Variants in DOCK3 observed in about 807,000 individuals in gnomAD.
The protein encoded by DOCK3 is dedicator of cytokinesis 3, also known as dedicator of cytokinesis protein 3.
Under a neutral mutation model 265.6 loss-of-function variants are expected in DOCK3, and 60 were observed. The observed-to-expected ratio is 0.23, with a 90% confidence interval of 0.18 to 0.28. The LOEUF is 0.28. DOCK3 is among the 10% of genes least tolerant of loss of function. The probability of loss-of-function intolerance (pLI) is 1.00; values close to 1 mark genes in which losing one functional copy is unlikely to be tolerated. For synonymous variants in DOCK3, 881 were observed against 938.0 expected (o/e 0.94, Z 1.11); for missense variants, 1,981 against 2,594.3 (o/e 0.76, Z 5.14).
intron 18 of DOCK3, 24 bp from the exon 19 acceptor site, chr3:51,229,488 T>C: frequency 1.3e-6 from 2 of 1,524,964 alleles, no homozygotes; most frequent in South Asian, 1.3e-5. Context: ...CAAGGGTTCC[T>C]CATCTTTTGG....
At chr3:51,245,783 T>G (rs2078810186) in intron 21 of DOCK3, among the ~76,000 whole-genome samples, 1 of 152,210 alleles carries the variant, frequency 6.6e-6, no homozygotes, top group African/African-American at 2.4e-5. Context: ...ACTGAAACTC[T>G]GATACTTTGA....
chr3:50,774,023 T>C (rs1466943468), intron 1 of DOCK3, among the ~76,000 whole-genome samples: 1 of 152,100 alleles, frequency 6.6e-6, no homozygotes, highest in Non-Finnish European at 1.5e-5. Context: ...TACTTGCAAA[T>C]ATAGCCAAAT....
chr3:50,806,146 G>C (rs1446878646), intron 2 of DOCK3, among the ~76,000 whole-genome samples: 1 of 151,952 alleles, frequency 6.6e-6, no homozygotes, highest in East Asian at 1.9e-4. Context: ...TCTTGAGGCT[G>C]GGATGTGGAA....
rs972915910 is a variant in DOCK3, at chr3:50,675,544, G to A, written c.37+244G>A. On this transcript the variant is annotated intron_variant, in intron 1 of 52. Coordinates refer to ENST00000266037, the MANE Select transcript of DOCK3 (RefSeq NM_004947.5). The surrounding 1 kb of genome is among the most constrained non-coding windows in gnomAD (Gnocchi z 6.1). ...TGCGGCCTTGGCAGGTGCGGCCCGCGGGAGGGGTGGGCAAGGCCCGGGCAG... is the reference window on the plus strand; with the variant it reads ...TGCGGCCTTGGCAGGTGCGGCCCGCAGGAGGGGTGGGCAAGGCCCGGGCAG... Among the ~76,000 whole-genome samples, 2 of 152,120 alleles carry A rather than the reference G, an allele frequency of 1.3e-5. No individual in the cohort carries two copies. Among genetic ancestry groups the A allele is most frequent in the Non-Finnish European group, 2.9e-5 (2 of 68,000 alleles).
chr3:50,872,446 A>T (rs1414419019), intron 3 of DOCK3, among the ~76,000 whole-genome samples: 3 of 152,126 alleles, frequency 2.0e-5, no homozygotes, highest in Non-Finnish European at 4.4e-5. Context: ...TGACACAAGC[A>T]CCTCTGTGGT....
intron 26 of DOCK3, chr3:51,278,035 A>G (rs1260756196): frequency 4.1e-6 from 4 of 985,284 alleles, no homozygotes; most frequent in Non-Finnish European, 4.8e-6. Flanking sequence ...ATATTGTAGA[A>G]TGAAGCTGGG....
At chr3:50,684,673 A>C (rs928377380) in intron 1 of DOCK3, among the ~76,000 whole-genome samples, 1 of 152,196 alleles carries the variant, frequency 6.6e-6, no homozygotes, top group Non-Finnish European at 1.5e-5. Flanking sequence ...TTATCCCGAC[A>C]ATACTTCTTT....
chr3:50,806,054 G>A (rs1204613831), intron 2 of DOCK3, among the ~76,000 whole-genome samples: 1 of 151,912 alleles, frequency 6.6e-6, no homozygotes, highest in Non-Finnish European at 1.5e-5. Context: ...CCACAGGGCT[G>A]TTTCATAGAC....
At chr3:50,818,483 C>T (rs2044219758) in intron 2 of DOCK3, among the ~76,000 whole-genome samples, 1 of 152,226 alleles carries the variant, frequency 6.6e-6, no homozygotes, top group Non-Finnish European at 1.5e-5. Flanking sequence ...CACGTGTAAA[C>T]CCTTGCTGGG....
chr3:50,764,898 G>C (rs2040771693), intron 1 of DOCK3, among the ~76,000 whole-genome samples: 1 of 151,954 alleles, frequency 6.6e-6, no homozygotes, highest in Admixed American at 6.6e-5. Context: ...AGTTAACAAT[G>C]AGTAATGTTA....
chr3:51,245,671 G>A (rs1449755688), intron 21 of DOCK3, among the ~76,000 whole-genome samples: 5 of 151,808 alleles, frequency 3.3e-5, no homozygotes, highest in African/African-American at 4.8e-5. Context: ...GATTACAGGC[G>A]TGAGCCACCA....
chr3:50,706,867 G>A (rs1383366841), intron 1 of DOCK3, among the ~76,000 whole-genome samples: 5 of 151,860 alleles, frequency 3.3e-5, no homozygotes, highest in Admixed American at 3.3e-4. Flanking sequence ...CAAATCTCAT[G>A]TTGAATTGTA....
At chr3:51,370,221 T>A (rs993095580) in intron 49 of DOCK3, among the ~76,000 whole-genome samples, 6 of 152,222 alleles carry the variant, frequency 3.9e-5, no homozygotes, top group Non-Finnish European at 7.3e-5. Flanking sequence ...AGGTAAATAG[T>A]CCTGAATAGA....
chr3:51,331,138 G>A (rs1467580851), intron 33 of DOCK3, among the ~76,000 whole-genome samples: 1 of 152,204 alleles, frequency 6.6e-6, no homozygotes, highest in Non-Finnish European at 1.5e-5. Flanking sequence ...GGAAGTGCCA[G>A]CCTGCACTCA....
At chr3:51,191,089 C>A (rs2087913415) in intron 12 of DOCK3, among the ~76,000 whole-genome samples, 1 of 152,120 alleles carries the variant, frequency 6.6e-6, no homozygotes, top group African/African-American at 2.4e-5. Flanking sequence ...TAGCTAAGTT[C>A]CAGGCTGTCT....
chr3:51,336,933 G>A (rs1160629781), intron 35 of DOCK3: 4 of 455,338 alleles, frequency 8.8e-6, no homozygotes, highest in Non-Finnish European at 1.8e-5. Flanking sequence ...TTACTGGGGA[G>A]ACAGATGCCT....
rs181107617 is a variant in DOCK3, at chr3:51,306,627, T to C, written c.2923-3605T>C. Among the ~76,000 whole-genome samples, 100 of 152,364 alleles carry C rather than the reference T, an allele frequency of 6.6e-4. 3 individuals carry two copies. The highest frequency in any genetic ancestry group is 5.7e-3 in the Admixed American group (87 of 15,308). On this transcript the variant is annotated intron_variant, in intron 27 of 52. Coordinates refer to ENST00000266037, the MANE Select transcript of DOCK3 (RefSeq NM_004947.5). ...TTTTTGTTTTTCCTACTTGAGATAATCTCAGTTAACTTGGCTTCAAATTTG... is the reference window on the plus strand; with the variant it reads ...TTTTTGTTTTTCCTACTTGAGATAACCTCAGTTAACTTGGCTTCAAATTTG...
chr3:50,830,521 G>C (rs973928564), intron 2 of DOCK3, among the ~76,000 whole-genome samples: 1 of 152,158 alleles, frequency 6.6e-6, no homozygotes, highest in Non-Finnish European at 1.5e-5. Flanking sequence ...TCTTATCAAA[G>C]GGGTATTTTT....
chr3:51,178,076 A>G (rs147678859), intron 12 of DOCK3, among the ~76,000 whole-genome samples: 1,865 of 151,860 alleles, frequency 0.012, 44 homozygotes, highest in African/African-American at 0.041. Flanking sequence ...ATCCATCTAT[A>G]TGATATTAAT....
Sources: gnomAD v4.1 joint callset for allele counts (sites outside exome capture counted in the v4.1 genomes callset) on GRCh38, gnomAD v4.1.1 for gene constraint, Gnocchi (gnomAD v3.1) non-coding constraint, MANE v1.5 for transcripts, NCBI Gene and HGNC (gene_info 2026-07-23, HGNC 2026-07-21) for gene names.